The following SLC12A2 variants were observed in gnomAD, a reference collection of about 807,000 sequenced individuals.
SLC12A2 encodes the protein Na-K-2Cl cotransporter 1.
SLC12A2 carries 67 observed loss-of-function variants against 136.3 expected under a neutral mutation model. The observed-to-expected ratio is 0.49, with a 90% CI of 0.40 to 0.60. SLC12A2 has a LOEUF of 0.60. SLC12A2 is among the 20% of genes least tolerant of loss of function. The pLI is 0.00. For missense variants in SLC12A2, 1,322 were observed against 1,534.7 expected (o/e 0.86, Z 2.32); for synonymous variants, 619 against 562.9 (o/e 1.10, Z -1.41).
chr5:128,105,478 T>C (rs1235268835), intron 1 of SLC12A2, among the ~76,000 whole-genome samples: 2 of 151,944 alleles, frequency 1.3e-5, no homozygotes, highest in Non-Finnish European at 2.9e-5. Context: ...AACTGAAAAA[T>C]GTACATTAGA....
Position 128,083,913 on chromosome 5 carries a change from A to T in SLC12A2, c.-42A>T. The T allele has an allele frequency of 1.6e-6, 2 of 1,214,578 alleles. No homozygotes were observed. The highest frequency in any genetic ancestry group is 2.0e-6 in the Non-Finnish European group (2 of 976,262). 75.2% of individuals were successfully genotyped at this position (1,214,578 alleles called of 1,614,324 possible). A position where few individuals can be genotyped will look rare whatever the true frequency, so the allele number is the denominator to read the frequency against. ...GGGTGTGGAGGGCGTGCTGCCGGAG[A>T]CGTCCGCCGGGCTCTGCAGTTCCGC... On this transcript the variant is annotated 5_prime_UTR_variant, in exon 1 of 27. Coordinates refer to ENST00000262461, the MANE Select transcript of SLC12A2 (RefSeq NM_001046.3).
rs2126629912 is a variant in SLC12A2 at position 128,084,456 on chromosome 5, A to G, written c.502A>G (p.Asn168Asp). 1 of 1,612,476 alleles carries G rather than the reference A, an allele frequency of 6.2e-7. No individual in the cohort carries two copies. The highest frequency in any genetic ancestry group is 1.1e-5 in the South Asian group (1 of 91,002). Reference sequence around the variant, plus strand: ...TGCCGGGGTCGGAGTCGACGGGCCCAACGTGAGCTTCCAGAACGGCGGGGA... The same window carrying G: ...TGCCGGGGTCGGAGTCGACGGGCCCGACGTGAGCTTCCAGAACGGCGGGGA... ...DAAGVGVDGPNVSFQNGGDTV... is the reference protein window; with the variant it reads ...DAAGVGVDGPDVSFQNGGDTV... Residue 168 changes from asparagine (N) to aspartate (D), a missense_variant, in exon 1 of 27, where the codon AAC becomes GAC. This residue lies in a region of SLC12A2 where 358 missense variants were observed against 299.7 expected (regional missense o/e 1.19). Transcript: ENST00000262461. This position sits in a 1 kb window ranked among gnomAD's most constrained non-coding sequence, Gnocchi z 5.6.
rs781450575 is a variant in SLC12A2, at chr5:128,114,286, A to G, written c.951A>G (p.Ile317Met). 1.3e-5 allele frequency: 21 copies of G among 1,609,490 alleles called. No individual in the cohort carries two copies. The Admixed American group carries it at 3.3e-4, about 26-fold the overall frequency. Reference sequence around the variant, plus strand: ...CATGGATTGTGGGTCAAGCTGGAATAGGTAAGTGAAGTTATATCCTGCTTG... The same window carrying G: ...CATGGATTGTGGGTCAAGCTGGAATGGGTAAGTGAAGTTATATCCTGCTTG... The part of the protein sequence containing the change: ...RLSWIVGQAG[I>M]GLSVLVIMMA... Residue 317 changes from isoleucine (I) to methionine (M), a missense_variant and splice_region_variant, in exon 3 of 27, where the codon ATA becomes ATG. Physicochemically the swap from Ile to Met is conservative, Grantham distance 10. Around this residue, in one of 8 missense-constraint regions of SLC12A2, gnomAD observed 71 missense variants for 131.0 expected, o/e 0.54. Transcript: ENST00000262461.
chr5:128,121,318 T>A (rs180970784), intron 4 of SLC12A2, among the ~76,000 whole-genome samples: 8 of 152,242 alleles, frequency 5.3e-5, no homozygotes, highest in Non-Finnish European at 8.8e-5. Context: ...ACTATTTTTT[T>A]ATTTTTATTA....
chr5:128,152,928 C>T (rs967280438), intron 15 of SLC12A2, 123 bp downstream of exon 15: 2 of 629,862 alleles, frequency 3.2e-6, no homozygotes, highest in African/African-American at 1.8e-5. Flanking sequence ...TTTAATTATT[C>T]AAGAACAAAA....
At chr5:128,104,556 C>T (rs985904022) in intron 1 of SLC12A2, among the ~76,000 whole-genome samples, 10 of 151,500 alleles carry the variant, frequency 6.6e-5, no homozygotes, top group Non-Finnish European at 1.2e-4. Flanking sequence ...CACTTGAACC[C>T]GGGAGGCAGA....
At chr5:128,119,569 C>T (rs1001014492) in intron 4 of SLC12A2, among the ~76,000 whole-genome samples, 1 of 152,094 alleles carries the variant, frequency 6.6e-6, no homozygotes, top group Non-Finnish European at 1.5e-5. Context: ...CTGTTCTGTT[C>T]CATTGATCTA....
In SLC12A2 at chr5:128,171,798, G is replaced by A. The variant is rs375252464; in HGVS notation, c.2803+52G>A. On this transcript the variant is annotated intron_variant, in intron 19 of 26. Transcript: ENST00000262461. ...TATTTACAAAAATATAAACTACTTT[G>A]TTAGAAAATTATATTCTCACAAACT... The A allele has an allele frequency of 2.4e-5, 26 of 1,064,816 alleles. No homozygotes were observed. In the East Asian group the frequency reaches 4.1e-4, roughly 17 times the overall value. 66.0% of individuals were successfully genotyped at this position (1,064,816 alleles called of 1,614,324 possible).
At chr5:128,171,132 T>C (rs1219460037) in intron 18 of SLC12A2, 1 of 151,722 alleles carries the variant, frequency 6.6e-6, no homozygotes, top group African/African-American at 2.4e-5. Context: ...GAGGTAAATA[T>C]ATATTTTCAG....
intron 16 of SLC12A2, 93 bp downstream of exon 16, chr5:128,158,257 T>C: frequency 1.1e-6 from 1 of 885,780 alleles, no homozygotes; most frequent in Middle Eastern, 2.7e-4. Context: ...TGTAGCTAAA[T>C]TGTGTGTCAC....
Position 128,084,257 on chromosome 5 carries a change from G to GGCGGCA in SLC12A2, c.309_314dup (p.Ala106_Ala107dup), listed in dbSNP as rs763035966. ...CCGCTGCTGCGGCGGCGGCGGCGGCGGCGGCAGCGGCGGCGGCTGGTGCTG... is the reference window on the plus strand; with the variant it reads ...CCGCTGCTGCGGCGGCGGCGGCGGCGGCGGCAGCGGCAGCGGCGGCGGCTGGTGCTG... On this transcript the variant is annotated inframe_insertion, in exon 1 of 27. Coordinates refer to ENST00000262461, the MANE Select transcript of SLC12A2 (RefSeq NM_001046.3). The surrounding 1 kb of genome is among the most constrained non-coding windows in gnomAD (Gnocchi z 5.6). 1.9e-5 allele frequency: 23 copies of GGCGGCA among 1,213,430 alleles called. No homozygotes were observed. Among genetic ancestry groups the GGCGGCA allele is most frequent in the Middle Eastern group, 5.4e-4 (2 of 3,700 alleles). The allele number at this position is 1,213,430 out of a possible 1,614,324, so 75.2% of individuals were successfully genotyped here.
At chr5:128,143,166 T>G (rs1164348356) in intron 10 of SLC12A2, among the ~76,000 whole-genome samples, 1 of 152,132 alleles carries the variant, frequency 6.6e-6, no homozygotes, top group African/African-American at 2.4e-5. Flanking sequence ...CCTGTATGTA[T>G]TTTGTTAGAT....
chr5:128,131,436 A>T (rs2126697851), intron 5 of SLC12A2, among the ~76,000 whole-genome samples: 1 of 150,256 alleles, frequency 6.7e-6, no homozygotes, highest in East Asian at 2.0e-4. Context: ...GGCCGAGGCG[A>T]GCGGATCACG....
intron 18 of SLC12A2, 31 bp from the exon 19 acceptor site, chr5:128,171,636 G>GT (rs766567173): frequency 8.8e-5 from 127 of 1,441,934 alleles, no homozygotes; most frequent in Non-Finnish European, 1.1e-4. Flanking sequence ...TTTTTTTTTG[G>GT]TTTTTTCATT....
At chr5:128,149,506 GTATTATTCAT>G (rs1581113281) in intron 12 of SLC12A2, among the ~76,000 whole-genome samples, 1 of 151,546 alleles carries the variant, frequency 6.6e-6, no homozygotes, top group East Asian at 1.9e-4. Flanking sequence ...AATGTTTCTA[GTATTATTCAT>G]TATAGTGAAA....
At chr5:128,088,082 G>T (rs1760170858) in intron 1 of SLC12A2, among the ~76,000 whole-genome samples, 1 of 147,008 alleles carries the variant, frequency 6.8e-6, no homozygotes, top group African/African-American at 2.5e-5. Flanking sequence ...TACATATAAA[G>T]ATTTGGTTGC....
intron 1 of SLC12A2, among the ~76,000 whole-genome samples, chr5:128,090,864 G>C (rs753682514): frequency 1.3e-5 from 2 of 152,068 alleles, no homozygotes; most frequent in African/African-American, 2.4e-5. Context: ...ATAAAGTCAG[G>C]GGGTAGTGAG....
intron 18 of SLC12A2, chr5:128,169,701 T>A (rs978051760): frequency 1.5e-4 from 23 of 152,156 alleles, no homozygotes; most frequent in African/African-American, 5.6e-4. Flanking sequence ...CATGAAACCC[T>A]ATGCTTTTTC....
At chr5:128,124,648 C>G (rs1761714877) in intron 4 of SLC12A2, among the ~76,000 whole-genome samples, 1 of 152,156 alleles carries the variant, frequency 6.6e-6, no homozygotes, top group Admixed American at 6.5e-5. Context: ...TCTGTGTTCA[C>G]CAGCCTGAGT....
Sources: gnomAD v4.1 joint callset for allele counts (sites outside exome capture counted in the v4.1 genomes callset) on GRCh38, gnomAD v4.1.1 for gene constraint, gnomAD v4.1.1 regional missense constraint, Gnocchi (gnomAD v3.1) non-coding constraint, MANE v1.5 for transcripts, NCBI Gene and HGNC (gene_info 2026-07-23, HGNC 2026-07-21) for gene names.